The following HAVCR2 variants were observed in gnomAD, a reference collection of about 807,000 sequenced individuals.
HAVCR2 encodes the protein hepatitis A virus cellular receptor 2, also known as T cell immunoglobulin mucin 3.
Under a neutral mutation model 24.7 loss-of-function variants are expected in HAVCR2, and 13 were observed. The ratio of observed to expected loss-of-function variants is 0.53; its 90% CI spans 0.34 to 0.84. The LOEUF (loss-of-function observed/expected upper bound fraction) is 0.84, where lower values mean the gene tolerates loss of function less well. Ranked by LOEUF, HAVCR2 falls within the 40% of genes least tolerant of loss-of-function variation. HAVCR2 has a pLI of 0.01. For synonymous variants in HAVCR2, 154 were observed against 143.4 expected (o/e 1.07, Z -0.53); for missense variants, 343 against 371.2 (o/e 0.92, Z 0.62).
intron 4 of HAVCR2, among the ~76,000 whole-genome samples, chr5:157,096,443 C>G (rs1434660970): frequency 6.6e-6 from 1 of 152,074 alleles, no homozygotes; most frequent in Non-Finnish European, 1.5e-5. Context: ...AATCCTGTTT[C>G]TAAAATTTCA....
At chr5:157,090,979 G>A (rs552597060) in intron 5 of HAVCR2, among the ~76,000 whole-genome samples, 4 of 152,250 alleles carry the variant, frequency 2.6e-5, no homozygotes, top group East Asian at 1.9e-4. Flanking sequence ...GAGTAGCTGG[G>A]ACGATAGGCG....
In HAVCR2 at chr5:157,088,963, T is replaced by C; in HGVS notation, c.691A>G (p.Lys231Glu). 1 of 1,608,746 alleles carries C rather than the reference T, an allele frequency of 6.2e-7. No homozygotes were observed. The highest frequency in any genetic ancestry group is 8.5e-7 in the Non-Finnish European group (1 of 1,177,758). Residue 231 changes from lysine (K) to glutamate (E), a missense_variant, in exon 6 of 7, where the codon AAA becomes GAA. Transcript: ENST00000307851. ...TACCTTAAATTCTGTATCTTCTCTT[T>C]GCTATGAGAATACCCTAGTAAGGGG... ...ALIFKWYSHSKEKIQNLSLIS... is the reference protein window; with the variant it reads ...ALIFKWYSHSEEKIQNLSLIS...
rs778630704 is a variant in HAVCR2 at position 157,106,852 on chromosome 5, C to T, written c.169G>A (p.Ala57Thr). 2.7e-5 allele frequency: 43 copies of T among 1,614,212 alleles called. No homozygotes were observed. In the East Asian group the frequency reaches 9.1e-4, roughly 34 times the overall value. Residue 57 changes from alanine (A) to threonine (T), a missense_variant, in exon 2 of 7, where the codon GCC (alanine) becomes ACC (threonine). Coordinates refer to ENST00000307851, the MANE Select transcript of HAVCR2 (RefSeq NM_032782.5). ...NLVPVCWGKG[A>T]CPVFECGNVV... The stretch of plus-strand genomic sequence containing the variant: ...TTGCCACATTCAAACACAGGACAGG[C>T]TCCTTTGCCCCAGCAGACGGGCACG...
At position 157,105,515 on chromosome 5, in the gene HAVCR2, T is replaced by A. The variant is rs552267574; in HGVS notation, c.395-766A>T. Among the ~76,000 whole-genome samples the A allele has an allele frequency of 7.2e-5, 11 of 152,338 alleles. 1 individual carries two copies. The South Asian group carries it at 2.3e-3, about 32-fold the overall frequency. On this transcript the variant is annotated intron_variant, in intron 2 of 6. Coordinates refer to ENST00000307851, the MANE Select transcript of HAVCR2 (RefSeq NM_032782.5). ...AGGTTTTAGATTTTCAGATTTGGGA[T>A]GCCCAACCTATAAAGGCTTTTAATA...
At chr5:157,101,665 C>G (rs1757168708) in intron 3 of HAVCR2, among the ~76,000 whole-genome samples, 1 of 152,134 alleles carries the variant, frequency 6.6e-6, no homozygotes, top group Non-Finnish European at 1.5e-5. Flanking sequence ...GAGCTGAGGA[C>G]TCACCTGTGA....
At chr5:157,106,478 A>G (rs1757253438) in intron 2 of HAVCR2, 149 bp downstream of exon 2, 1 of 644,864 alleles carries the variant, frequency 1.6e-6, no homozygotes. Context: ...ATCACTGAGC[A>G]TCACCAATGG....
chr5:157,098,089 T>C (rs887503410), intron 4 of HAVCR2, among the ~76,000 whole-genome samples: 10 of 151,404 alleles, frequency 6.6e-5, no homozygotes, highest in Non-Finnish European at 1.2e-4. Context: ...CTGACCAACA[T>C]GGAGAAACCC....
At chr5:157,098,282 C>T (rs887021581) in intron 4 of HAVCR2, among the ~76,000 whole-genome samples, 41 of 152,056 alleles carry the variant, frequency 2.7e-4, no homozygotes, top group African/African-American at 8.5e-4. Flanking sequence ...TGGCTCATGC[C>T]TGTAATCCCA....
At chr5:157,094,902 G>T (rs17054179) in intron 5 of HAVCR2, among the ~76,000 whole-genome samples, 1 of 152,018 alleles carries the variant, frequency 6.6e-6, no homozygotes, top group Non-Finnish European at 1.5e-5. Flanking sequence ...GTTGTGTTTC[G>T]TAACAAACCT....
chr5:157,098,618 C>T (rs1757126819), intron 4 of HAVCR2, among the ~76,000 whole-genome samples: 1 of 152,126 alleles, frequency 6.6e-6, no homozygotes, highest in Non-Finnish European at 1.5e-5. Flanking sequence ...AATGTTTCTT[C>T]TTTGTGGTTT....
At chr5:157,105,963 C>T (rs1270695676) in intron 2 of HAVCR2, among the ~76,000 whole-genome samples, 1 of 151,988 alleles carries the variant, frequency 6.6e-6, no homozygotes, top group East Asian at 1.9e-4. Context: ...CCTCCTGCTT[C>T]AGCCTCTCAA....
chr5:157,099,435 T>A (rs996406417), intron 3 of HAVCR2, among the ~76,000 whole-genome samples: 1 of 151,952 alleles, frequency 6.6e-6, no homozygotes, highest in Admixed American at 6.6e-5. Context: ...TTTTGTATTT[T>A]TAGTAGAGAC....
At chr5:157,098,380 C>A (rs1430915676) in intron 4 of HAVCR2, among the ~76,000 whole-genome samples, 2 of 150,818 alleles carry the variant, frequency 1.3e-5, no homozygotes, top group African/African-American at 2.4e-5. Flanking sequence ...GCACTCCAGC[C>A]TGGGCAACAA....
chr5:157,108,617 G>A (rs1392764091), intron 1 of HAVCR2, among the ~76,000 whole-genome samples: 3 of 152,142 alleles, frequency 2.0e-5, no homozygotes, highest in African/African-American at 7.2e-5. Context: ...ATTAAGAAAT[G>A]TCCACATATT....
intron 1 of HAVCR2, among the ~76,000 whole-genome samples, chr5:157,108,640 C>A (rs1229930974): frequency 6.6e-6 from 1 of 152,214 alleles, no homozygotes; most frequent in Non-Finnish European, 1.5e-5. Flanking sequence ...TGCTCCCCGA[C>A]AATGCACACA....
In HAVCR2 at chr5:157,087,315, G is replaced by A. The variant is rs199771811; in HGVS notation, c.714-21C>T. 299 of 1,589,182 alleles carry A rather than the reference G, an allele frequency of 1.9e-4. 1 individual carries two copies. Among genetic ancestry groups the A allele is most frequent in the East Asian group, 2.7e-4 (12 of 44,524 alleles). ...TGAGGCTGTGGAAATAAAGTGTTGC[G>A]GTTGAGTTAAGCATTTCCCAGGTAA... On this transcript the variant is annotated intron_variant, in intron 6 of 6. Coordinates refer to ENST00000307851, the MANE Select transcript of HAVCR2 (RefSeq NM_032782.5).
chr5:157,092,093 T>C lies in HAVCR2; in HGVS notation c.677-3116A>G, dbSNP rs200431065. On this transcript the variant is annotated intron_variant, in intron 5 of 6. Coordinates refer to ENST00000307851, the MANE Select transcript of HAVCR2 (RefSeq NM_032782.5). ...ATTTCCTCTAGATCCCATCACTCTT[T>C]ATACAAACTAGAATAAGTGCTAATA... Among the ~76,000 whole-genome samples, 6 of 151,772 alleles carry C rather than the reference T, an allele frequency of 4.0e-5. No homozygotes were observed. The East Asian group carries it at 1.2e-3, about 29-fold the overall frequency.
chr5:157,097,153 GAGA>G (rs1757105409), intron 4 of HAVCR2, among the ~76,000 whole-genome samples: 1 of 151,904 alleles, frequency 6.6e-6, no homozygotes, highest in South Asian at 2.1e-4. Flanking sequence ...ATTGCAAAGA[GAGA>G]AGGAGCAAAT....
intron 6 of HAVCR2, among the ~76,000 whole-genome samples, chr5:157,087,498 C>T (rs1345620679): frequency 6.6e-6 from 1 of 151,736 alleles, no homozygotes; most frequent in Non-Finnish European, 1.5e-5. Context: ...TTTTAATTTT[C>T]TTAGGTATAA....
Sources: allele counts gnomAD v4.1 joint callset (sites outside exome capture counted in the v4.1 genomes callset), GRCh38; gene constraint gnomAD v4.1.1; transcripts MANE v1.5; gene names NCBI Gene and HGNC (gene_info 2026-07-23, HGNC 2026-07-21).